HEMK2: variants seen among roughly 807,000 people sequenced by gnomAD.
HEMK2 encodes methyltransferase HEMK2.
At chr21:28,650,580 G>A in the HEMK2 span, among the ~76,000 whole-genome samples, 1 of 152,094 alleles carries the variant, frequency 6.6e-6, no homozygotes, top group Non-Finnish European at 1.5e-5. Flanking sequence ...TTCCAAATTG[G>A]GCAATGGGGG....
chr21:28,820,481 A>C, the HEMK2 span, among the ~76,000 whole-genome samples: 5 of 152,238 alleles, frequency 3.3e-5, no homozygotes, highest in South Asian at 4.1e-4. Context: ...CCAAGAGACC[A>C]CTGTATGTTC....
At chr21:28,590,241 T>C in the HEMK2 span, among the ~76,000 whole-genome samples, 2 of 152,204 alleles carry the variant, frequency 1.3e-5, no homozygotes, top group African/African-American at 2.4e-5. Context: ...GAAGCATTTA[T>C]GTTTATCTGT....
chr21:28,637,340 T>A, the HEMK2 span, among the ~76,000 whole-genome samples: 1 of 152,212 alleles, frequency 6.6e-6, no homozygotes, highest in East Asian at 1.9e-4. Context: ...TCATAGGTTA[T>A]CATTTGTGTG....
the HEMK2 span, among the ~76,000 whole-genome samples, chr21:28,667,248 T>C: frequency 1.3e-5 from 2 of 152,200 alleles, no homozygotes; most frequent in Non-Finnish European, 2.9e-5. Context: ...TAAACATGTG[T>C]TGTTTTGACA....
the HEMK2 span, among the ~76,000 whole-genome samples, chr21:28,670,508 ACTT>A: frequency 6.6e-6 from 1 of 152,088 alleles, no homozygotes; most frequent in Non-Finnish European, 1.5e-5. Flanking sequence ...CTCAAGAAAA[ACTT>A]CTCACACACA....
At chr21:28,598,240 C>T in the HEMK2 span, among the ~76,000 whole-genome samples, 1 of 152,160 alleles carries the variant, frequency 6.6e-6, no homozygotes, top group Non-Finnish European at 1.5e-5. Flanking sequence ...ATGCCTGAGG[C>T]CTTGGGCCAT....
At chr21:28,645,133 T>C in the HEMK2 span, among the ~76,000 whole-genome samples, 4 of 152,166 alleles carry the variant, frequency 2.6e-5, no homozygotes, top group African/African-American at 9.7e-5. Flanking sequence ...GAGTTCCAGA[T>C]ACACACAGGG....
At chr21:28,840,302 T>C in the HEMK2 span, among the ~76,000 whole-genome samples, 234 of 152,268 alleles carry the variant, frequency 1.5e-3, no homozygotes, top group African/African-American at 5.5e-3. Context: ...GACATTGGCT[T>C]AGGCAAGGAT....
At chr21:28,761,599 CT>C in the HEMK2 span, among the ~76,000 whole-genome samples, 1,206 of 140,884 alleles carry the variant, frequency 8.6e-3, 38 homozygotes, top group Admixed American at 0.066. Context: ...CTCTACAAAG[CT>C]TTTTTTTTTT....
the HEMK2 span, among the ~76,000 whole-genome samples, chr21:28,577,738 A>G: frequency 6.6e-6 from 1 of 152,178 alleles, no homozygotes; most frequent in Non-Finnish European, 1.5e-5. Context: ...GATTTATCTG[A>G]AATTCAAATG....
chr21:28,689,989 G>A, the HEMK2 span, among the ~76,000 whole-genome samples: 1 of 152,168 alleles, frequency 6.6e-6, no homozygotes, highest in Non-Finnish European at 1.5e-5. Context: ...AGGTTTAGTG[G>A]ATTCACAGTT....
chr21:28,602,397 TAATA>T, the HEMK2 span, among the ~76,000 whole-genome samples: 24 of 152,104 alleles, frequency 1.6e-4, 1 homozygote, highest in African/African-American at 4.3e-4. Flanking sequence ...AAAATATATT[TAATA>T]AATAAATAAA....
the HEMK2 span, among the ~76,000 whole-genome samples, chr21:28,777,688 G>C: frequency 6.6e-6 from 1 of 152,258 alleles, no homozygotes; most frequent in Middle Eastern, 3.4e-3. Context: ...AGGAGATCTG[G>C]TCACAAATGA....
the HEMK2 span, among the ~76,000 whole-genome samples, chr21:28,665,624 T>C: frequency 1.3e-5 from 2 of 151,786 alleles, no homozygotes; most frequent in African/African-American, 4.8e-5. Flanking sequence ...AGGAACACTT[T>C]TACACTGTTG....
At chr21:28,728,096 A>G in the HEMK2 span, among the ~76,000 whole-genome samples, 15 of 152,354 alleles carry the variant, frequency 9.8e-5, no homozygotes, top group South Asian at 2.7e-3. Context: ...ACTAGAAAAT[A>G]ATAAATTTGT....
the HEMK2 span, among the ~76,000 whole-genome samples, chr21:28,708,120 G>T: frequency 0.011 from 1,644 of 152,060 alleles, 24 homozygotes; most frequent in African/African-American, 0.037. Flanking sequence ...CAAAATTCCA[G>T]ATTCCATGAT....
the HEMK2 span, among the ~76,000 whole-genome samples, chr21:28,832,011 CTA>C: frequency 2.0e-5 from 3 of 152,160 alleles, no homozygotes; most frequent in African/African-American, 7.2e-5. Context: ...AGAGAATTAA[CTA>C]TTTTTTTAAC....
the HEMK2 span, among the ~76,000 whole-genome samples, chr21:28,743,056 TCTGC>T: frequency 1.3e-5 from 2 of 152,196 alleles, no homozygotes; most frequent in African/African-American, 4.8e-5. Flanking sequence ...GGATTTAGTA[TCTGC>T]TCACGTTCAC....
chr21:28,836,561 C>G, the HEMK2 span, among the ~76,000 whole-genome samples: 1 of 151,408 alleles, frequency 6.6e-6, no homozygotes, highest in African/African-American at 2.4e-5. Context: ...CACACAGGAC[C>G]TATAAAACAA....
Sources: gnomAD v4.1 joint callset for allele counts (sites outside exome capture counted in the v4.1 genomes callset) on GRCh38, gnomAD v4.1.1 for gene constraint, MANE v1.5 for transcripts, NCBI Gene and HGNC (gene_info 2026-07-23, HGNC 2026-07-21) for gene names.